Variants in GNB1 observed in about 807,000 individuals in gnomAD.
The protein encoded by GNB1 is G protein subunit beta 1.
GNB1 carries 2 observed loss-of-function variants against 42.9 expected under a neutral mutation model. The observed-to-expected ratio is 0.05, with a 90% confidence interval of 0.02 to 0.15. The LOEUF (loss-of-function observed/expected upper bound fraction) is 0.15. GNB1 is among the 10% of genes least tolerant of loss of function. The pLI is 1.00. For missense variants in GNB1, 193 were observed against 462.2 expected, an observed-to-expected ratio of 0.42 and a Z score of 5.34; for synonymous variants, 183 against 174.7, an observed-to-expected ratio of 1.05 and a Z score of -0.38.
intron 5 of GNB1, among the ~76,000 whole-genome samples, chr1:1,812,003 T>A (rs924377399): frequency 2.6e-5 from 4 of 151,894 alleles, no homozygotes; most frequent in African/African-American, 7.3e-5. Flanking sequence ...GAGGCAGAGC[T>A]TGCAGTGAGC....
At chr1:1,848,362 A>T (rs1235131621) in intron 1 of GNB1, among the ~76,000 whole-genome samples, 3 of 150,382 alleles carry the variant, frequency 2.0e-5, no homozygotes, top group Admixed American at 6.6e-5. Flanking sequence ...CCAGGCAAAA[A>T]AAAAAAAAAA....
intron 2 of GNB1, 63 bp from the exon 3 acceptor site, chr1:1,825,562 G>T: frequency 1.1e-6 from 1 of 913,612 alleles, no homozygotes; most frequent in Non-Finnish European, 1.8e-6. Context: ...AAGCAGGTGA[G>T]AAAAGTAAAT....
intron 1 of GNB1, among the ~76,000 whole-genome samples, chr1:1,878,958 T>C (rs1649693195): frequency 6.6e-6 from 1 of 152,236 alleles, no homozygotes; most frequent in South Asian, 2.1e-4. Flanking sequence ...CTGTGGGTTC[T>C]GCGACACTAG....
chr1:1,879,062 C>T (rs559428671), intron 1 of GNB1, among the ~76,000 whole-genome samples: 2 of 152,218 alleles, frequency 1.3e-5, no homozygotes, highest in Middle Eastern at 3.2e-3. Context: ...GCTACACCAA[C>T]GGGTCTTCAC....
At chr1:1,797,799 G>A (rs1287172925) in intron 7 of GNB1, among the ~76,000 whole-genome samples, 1 of 152,202 alleles carries the variant, frequency 6.6e-6, no homozygotes, top group African/African-American at 2.4e-5. Context: ...CCTGCACCCT[G>A]GAGAACATCC....
chr1:1,836,705 T>G (rs1367890682), intron 2 of GNB1, among the ~76,000 whole-genome samples: 2 of 152,128 alleles, frequency 1.3e-5, no homozygotes, highest in African/African-American at 4.8e-5. Flanking sequence ...CATAAGCCAC[T>G]ACACCTAGCT....
At chr1:1,856,634 G>A (rs949020725) in intron 1 of GNB1, among the ~76,000 whole-genome samples, 1 of 151,790 alleles carries the variant, frequency 6.6e-6, no homozygotes, top group Non-Finnish European at 1.5e-5. Flanking sequence ...CACCATGTTG[G>A]CCAGGATAGT....
At chr1:1,798,124 G>A (rs1332845538) in intron 7 of GNB1, among the ~76,000 whole-genome samples, 1 of 152,238 alleles carries the variant, frequency 6.6e-6, no homozygotes, top group Non-Finnish European at 1.5e-5. Flanking sequence ...AAGAGATGAG[G>A]AAGTAACTTG....
chr1:1,798,813 T>C (rs1394195285), intron 7 of GNB1, among the ~76,000 whole-genome samples: 1 of 152,236 alleles, frequency 6.6e-6, no homozygotes, highest in Non-Finnish European at 1.5e-5. Context: ...GTGATTCTCC[T>C]GCCTCAGGAT....
At chr1:1,821,794 G>C (rs929713961) in intron 3 of GNB1, among the ~76,000 whole-genome samples, 6 of 152,306 alleles carry the variant, frequency 3.9e-5, no homozygotes, top group African/African-American at 1.4e-4. Context: ...CAATTAAAAT[G>C]TATTAATTAC....
At chr1:1,789,398 G>T in intron 9 of GNB1, 129 bp from the exon 10 acceptor site, 1 of 641,536 alleles carries the variant, frequency 1.6e-6, no homozygotes, top group African/African-American at 1.8e-5. Flanking sequence ...GCTCTGGTAA[G>T]AACAGAGGGC....
intron 1 of GNB1, among the ~76,000 whole-genome samples, chr1:1,843,721 A>C (rs1647453313): frequency 6.6e-6 from 1 of 152,142 alleles, no homozygotes; most frequent in Non-Finnish European, 1.5e-5. Context: ...ACCCCACACT[A>C]AGGACAGGAC....
chr1:1,807,501 A>G lies in GNB1; in HGVS notation c.204-963T>C, dbSNP rs567237783. Among the ~76,000 whole-genome samples the G allele has an allele frequency of 2.0e-5, 3 of 148,776 alleles. No individual in the cohort carries two copies. The East Asian group carries it at 5.9e-4, about 29-fold the overall frequency. ...AAAAAAAAAAAAAAAAAACAAACAGAAAGAACAAACCACTTTTAGACATTC... is the reference window on the plus strand; with the variant it reads ...AAAAAAAAAAAAAAAAAACAAACAGGAAGAACAAACCACTTTTAGACATTC... On this transcript the variant is annotated intron_variant, in intron 5 of 11. Coordinates refer to ENST00000378609, the MANE Select transcript of GNB1 (RefSeq NM_002074.5).
chr1:1,807,490 A>C lies in GNB1; in HGVS notation c.204-952T>G, dbSNP rs1271830895. The stretch of plus-strand genomic sequence containing the variant: ...AAAAAAAAAAAAAAAAAAAAAAAAA[A>C]AAACAAACAGAAAGAACAAACCACT... On this transcript the variant is annotated intron_variant, in intron 5 of 11. Coordinates refer to ENST00000378609, the MANE Select transcript of GNB1 (RefSeq NM_002074.5). Among the ~76,000 whole-genome samples, 158 of 146,318 alleles carry C rather than the reference A, an allele frequency of 1.1e-3. 4 individuals are homozygous for C. Among genetic ancestry groups the C allele is most frequent in the South Asian group, 1.1e-3 (5 of 4,622 alleles).
intron 3 of GNB1, among the ~76,000 whole-genome samples, chr1:1,824,454 T>C (rs941610710): frequency 1.5e-4 from 23 of 152,198 alleles, no homozygotes; most frequent in Non-Finnish European, 1.0e-4. Context: ...AATAAAAGTT[T>C]ATGAACTCTG....
At chr1:1,823,877 T>C (rs564739948) in intron 3 of GNB1, among the ~76,000 whole-genome samples, 3 of 152,356 alleles carry the variant, frequency 2.0e-5, no homozygotes, top group Middle Eastern at 3.4e-3. Context: ...TTTATTTTAC[T>C]GTATTTTGAG....
intron 1 of GNB1, among the ~76,000 whole-genome samples, chr1:1,851,181 C>T (rs12066667): frequency 0.26 from 38,824 of 151,998 alleles, 5,184 homozygotes; most frequent in African/African-American, 0.29. Context: ...GAGGCCGAGA[C>T]GTGTGGATCA....
At chr1:1,792,262 C>T (rs1043555440) in intron 8 of GNB1, among the ~76,000 whole-genome samples, 15 of 152,142 alleles carry the variant, frequency 9.9e-5, no homozygotes, top group African/African-American at 3.6e-4. Context: ...TTAGTCTGTG[C>T]TCATTGTTCA....
intron 1 of GNB1, among the ~76,000 whole-genome samples, chr1:1,883,372 T>C (rs918619188): frequency 4.6e-5 from 7 of 151,874 alleles, no homozygotes; most frequent in South Asian, 4.2e-4. Flanking sequence ...AAATAAGTGA[T>C]AGGGATTTGC....
Sources: allele counts gnomAD v4.1 joint callset (sites outside exome capture counted in the v4.1 genomes callset), GRCh38; gene constraint gnomAD v4.1.1; transcripts MANE v1.5; gene names NCBI Gene and HGNC (gene_info 2026-07-23, HGNC 2026-07-21).